Variants in PCCA observed in about 807,000 individuals in gnomAD.
PCCA encodes propionyl-CoA carboxylase alpha chain, mitochondrial.
In PCCA, 74 loss-of-function variants were observed where a neutral mutation model predicts 101.3. The ratio of observed to expected loss-of-function variants is 0.73; its 90% CI spans 0.61 to 0.89. The LOEUF is 0.89. Among genes scored for constraint, PCCA ranks in the 40% least tolerant of loss-of-function variants. The pLI, the probability that PCCA is intolerant of heterozygous loss-of-function variation, is 0.00. For synonymous variants in PCCA, 294 were observed against 313.6 expected (o/e 0.94, Z 0.66); for missense variants, 891 against 907.0 (o/e 0.98, Z 0.23).
At chr13:100,436,742 C>T (rs949056482) in intron 20 of PCCA, among the ~76,000 whole-genome samples, 13 of 152,138 alleles carry the variant, frequency 8.5e-5, no homozygotes, top group African/African-American at 2.7e-4. Flanking sequence ...GACTTCTCGG[C>T]GCATATAAAT....
intron 4 of PCCA, among the ~76,000 whole-genome samples, chr13:100,153,884 A>C (rs2053615642): frequency 6.6e-6 from 1 of 152,230 alleles, no homozygotes. Context: ...ATAATTTTTT[A>C]CTAAAGTGGA....
intron 4 of PCCA, among the ~76,000 whole-genome samples, chr13:100,146,995 T>G (rs562573757): frequency 3.4e-5 from 5 of 144,930 alleles, no homozygotes; most frequent in African/African-American, 5.2e-5. Context: ...AGTTAAAAAT[T>G]ATGAGGTAGA....
intron 16 of PCCA, among the ~76,000 whole-genome samples, chr13:100,319,986 G>T (rs1443432089): frequency 1.3e-5 from 2 of 152,234 alleles, no homozygotes; most frequent in African/African-American, 4.8e-5. Flanking sequence ...CCATTTGTTT[G>T]TGTCTTTTAT....
At chr13:100,137,446 T>C (rs576411240) in intron 4 of PCCA, among the ~76,000 whole-genome samples, 1 of 152,218 alleles carries the variant, frequency 6.6e-6, no homozygotes. Context: ...TCTTGATGTT[T>C]CCAACGATGA....
At chr13:100,448,890 T>A (rs1222131289) in intron 20 of PCCA, among the ~76,000 whole-genome samples, 2 of 152,230 alleles carry the variant, frequency 1.3e-5, no homozygotes, top group Non-Finnish European at 2.9e-5. Flanking sequence ...ACAGTCAATT[T>A]TAGACCATGT....
chr13:100,115,421 A>T (rs1197859951), intron 4 of PCCA, among the ~76,000 whole-genome samples: 1 of 152,216 alleles, frequency 6.6e-6, no homozygotes, highest in Non-Finnish European at 1.5e-5. Flanking sequence ...TTTAGGGAAT[A>T]GAATTGGGAT....
chr13:100,508,086 T>A (rs1343615952), intron 21 of PCCA, among the ~76,000 whole-genome samples: 1 of 152,158 alleles, frequency 6.6e-6, no homozygotes, highest in African/African-American at 2.4e-5. Context: ...GAGGCTAGAT[T>A]TTTGTATTAT....
chr13:100,126,412 T>C (rs2049959869), intron 4 of PCCA, among the ~76,000 whole-genome samples: 1 of 152,202 alleles, frequency 6.6e-6, no homozygotes, highest in Non-Finnish European at 1.5e-5. Context: ...TATGTGTCTT[T>C]ACTTTTCAAG....
chr13:100,232,226 T>C (rs2152515572), intron 7 of PCCA, among the ~76,000 whole-genome samples: 1 of 152,302 alleles, frequency 6.6e-6, no homozygotes, highest in East Asian at 1.9e-4. Context: ...TGCCTGATAT[T>C]CTTTCCCTAT....
chr13:100,520,965 T>C (rs1440847997), intron 22 of PCCA, among the ~76,000 whole-genome samples: 1 of 152,162 alleles, frequency 6.6e-6, no homozygotes, highest in Non-Finnish European at 1.5e-5. Flanking sequence ...TCTTTTTCTC[T>C]TTTAATAAAA....
intron 19 of PCCA, among the ~76,000 whole-genome samples, chr13:100,385,380 C>T (rs1015164185): frequency 1.3e-5 from 2 of 152,070 alleles, no homozygotes; most frequent in African/African-American, 4.8e-5. Context: ...TCATTTTAGT[C>T]ACAAAATAAG....
intron 19 of PCCA, among the ~76,000 whole-genome samples, chr13:100,383,463 A>G (rs2076338351): frequency 2.0e-5 from 3 of 151,956 alleles, no homozygotes; most frequent in African/African-American, 7.2e-5. Context: ...TTATATGATT[A>G]GCCGGTCATG....
At chr13:100,332,032 G>A (rs960410680) in intron 17 of PCCA, among the ~76,000 whole-genome samples, 69 of 147,444 alleles carry the variant, frequency 4.7e-4, no homozygotes, top group African/African-American at 1.4e-3. Context: ...TCTGCCTTCC[G>A]GTTTCAAGCG....
At chr13:100,275,424 G>T (rs993887705) in intron 12 of PCCA, among the ~76,000 whole-genome samples, 1 of 152,146 alleles carries the variant, frequency 6.6e-6, no homozygotes, top group Non-Finnish European at 1.5e-5. Flanking sequence ...GCTCCAGGTG[G>T]ATTTCTGCCT....
chr13:100,248,296 A>G (rs1013810995), intron 8 of PCCA, among the ~76,000 whole-genome samples: 1 of 151,934 alleles, frequency 6.6e-6, no homozygotes, highest in Non-Finnish European at 1.5e-5. Flanking sequence ...CTTTTTGATG[A>G]CGACTTTAAA....
chr13:100,326,729 T>TA (rs777550825), intron 16 of PCCA, among the ~76,000 whole-genome samples: 3 of 152,084 alleles, frequency 2.0e-5, no homozygotes, highest in Non-Finnish European at 1.5e-5. Flanking sequence ...GGAAGACTGT[T>TA]ATGATGATCC....
rs377485456 is a variant in PCCA at position 100,391,564 on chromosome 13, C to T, written c.1746+22990C>T. Among the ~76,000 whole-genome samples the T allele has an allele frequency of 1.1e-3, 166 of 152,186 alleles. 6 individuals carry two copies. The South Asian group carries it at 0.031, about 29-fold the overall frequency. ...GATAGTGCAAGGCAGCTCTGCATGT[C>T]CAGGAGGCCAGGACACAGGGAGGCT... On this transcript the variant is annotated intron_variant, in intron 19 of 23. Coordinates refer to ENST00000376285, the MANE Select transcript of PCCA (RefSeq NM_000282.4).
intron 22 of PCCA, among the ~76,000 whole-genome samples, chr13:100,525,026 T>TAGATAGATAGATAGATAGAC (rs1178941372): frequency 8.4e-5 from 12 of 142,636 alleles, no homozygotes; most frequent in East Asian, 2.0e-4. Flanking sequence ...GATAGATAGA[T>TAGATAGATAGATAGATAGAC]AGACAGACAG....
At chr13:100,144,625 C>A (rs139348845) in intron 4 of PCCA, among the ~76,000 whole-genome samples, 1 of 152,196 alleles carries the variant, frequency 6.6e-6, no homozygotes, top group African/African-American at 2.4e-5. Context: ...AAAATACATA[C>A]ACTATATATT....
Sources: gnomAD v4.1 joint callset for allele counts (sites outside exome capture counted in the v4.1 genomes callset) on GRCh38, gnomAD v4.1.1 for gene constraint, MANE v1.5 for transcripts, NCBI Gene and HGNC (gene_info 2026-07-23, HGNC 2026-07-21) for gene names.